DAB2IP: variants seen among roughly 807,000 people sequenced by gnomAD.
DAB2IP encodes the protein disabled homolog 2-interacting protein.
DAB2IP carries 28 observed loss-of-function variants against 107.2 expected under a neutral mutation model. The observed-to-expected ratio is 0.26, with a 90% CI of 0.19 to 0.36. The LOEUF (loss-of-function observed/expected upper bound fraction) is 0.36. Among genes scored for constraint, DAB2IP ranks in the 10% least tolerant of loss-of-function variants. The probability of loss-of-function intolerance (pLI) is 1.00; values close to 1 mark genes in which losing one functional copy is unlikely to be tolerated. For missense variants in DAB2IP, 1,400 were observed against 1,644.7 expected (o/e 0.85, Z 2.57); for synonymous variants, 755 against 706.4 (o/e 1.07, Z -1.09).
intron 1 of DAB2IP, among the ~76,000 whole-genome samples, chr9:121,629,052 G>A (rs1468927944): frequency 6.6e-6 from 1 of 152,204 alleles, no homozygotes; most frequent in Admixed American, 6.5e-5. Context: ...GGCTAGAGTT[G>A]GCCATGGTGT....
exon 12 of DAB2IP, chr9:121,773,441 C>G: frequency 6.5e-7 from 1 of 1,546,024 alleles, no homozygotes. Context: ...GGCAGCAGTC[C>G]TCTTCCTCCA....
chr9:121,758,071 G>A (rs1470969850), intron 4 of DAB2IP, among the ~76,000 whole-genome samples: 1 of 152,230 alleles, frequency 6.6e-6, no homozygotes, highest in Non-Finnish European at 1.5e-5. Flanking sequence ...TCCTTGCCAG[G>A]GATAGGGTGA....
intron 1 of DAB2IP, among the ~76,000 whole-genome samples, chr9:121,582,938 C>G (rs936825833): frequency 2.6e-5 from 4 of 152,226 alleles, no homozygotes; most frequent in African/African-American, 9.6e-5. Context: ...AAGGCTCTGC[C>G]CTGCGGGCAG....
rs555265867 is a variant in DAB2IP at position 121,746,004 on chromosome 9, G to A, written c.363-11009G>A. Among the ~76,000 whole-genome samples, 4 of 152,304 alleles carry A rather than the reference G, an allele frequency of 2.6e-5. No individual in the cohort carries two copies. In the South Asian group the frequency reaches 8.3e-4, roughly 32 times the overall value. ...TAAAACGGCCTGTACTCTGGAGCCT[G>A]CTCTTGAGGTAAGGGGGTAGAGCAG... On this transcript the variant is annotated intron_variant, in intron 3 of 15. Coordinates refer to ENST00000408936, the Ensembl canonical transcript of DAB2IP.
rs1026190349 is a variant in DAB2IP, at chr9:121,701,781, G to A, written c.362+2323G>A. ...GACCCCGCCCGCCCCCCAGCTCATGGCCAAACCTGGATGAGTGGAGCAGTG... is the reference window on the plus strand; with the variant it reads ...GACCCCGCCCGCCCCCCAGCTCATGACCAAACCTGGATGAGTGGAGCAGTG... On this transcript the variant is annotated intron_variant, in intron 3 of 15. Coordinates refer to ENST00000408936, the Ensembl canonical transcript of DAB2IP. This position sits in a 1 kb window ranked among gnomAD's most constrained non-coding sequence, Gnocchi z 4.7. Among the ~76,000 whole-genome samples the A allele has an allele frequency of 2.0e-5, 3 of 152,204 alleles. No homozygotes were observed. Among genetic ancestry groups the A allele is most frequent in the Admixed American group, 6.5e-5 (1 of 15,280 alleles).
chr9:121,690,624 T>C (rs1829115534), intron 2 of DAB2IP, among the ~76,000 whole-genome samples: 1 of 152,184 alleles, frequency 6.6e-6, no homozygotes, highest in Non-Finnish European at 1.5e-5. Flanking sequence ...CTGGTTTCTG[T>C]TCGCTGATGC....
intron 3 of DAB2IP, among the ~76,000 whole-genome samples, chr9:121,726,885 T>G (rs1361270881): frequency 6.6e-6 from 1 of 152,078 alleles, no homozygotes; most frequent in African/African-American, 2.4e-5. Flanking sequence ...CCCACCCTAC[T>G]CCCTCATACT....
chr9:121,701,179 G>A lies in DAB2IP; in HGVS notation c.362+1721G>A, dbSNP rs1373359198. ...GAGCAGGAGAGACAACAGGCAGTCCGGCTTCTGAGTGTGTCTGCTCTCCCG... is the reference window on the plus strand; with the variant it reads ...GAGCAGGAGAGACAACAGGCAGTCCAGCTTCTGAGTGTGTCTGCTCTCCCG... On this transcript the variant is annotated intron_variant, in intron 3 of 15. Coordinates refer to ENST00000408936, the Ensembl canonical transcript of DAB2IP. This position sits in a 1 kb window ranked among gnomAD's most constrained non-coding sequence, Gnocchi z 4.7. Among the ~76,000 whole-genome samples the A allele has an allele frequency of 2.0e-5, 3 of 152,214 alleles. No individual in the cohort carries two copies. The highest frequency in any genetic ancestry group is 7.2e-5 in the African/African-American group (3 of 41,464).
chr9:121,765,880 C>T (rs1285790978), intron 8 of DAB2IP, among the ~76,000 whole-genome samples: 1 of 152,268 alleles, frequency 6.6e-6, no homozygotes, highest in African/African-American at 2.4e-5. Flanking sequence ...CTCCCTTTCC[C>T]TCCCCATGTA....
chr9:121,759,018 C>T, intron 5 of DAB2IP, 22 bp downstream of exon 5: 1 of 1,596,516 alleles, frequency 6.3e-7, no homozygotes, highest in Non-Finnish European at 8.5e-7. Context: ...CCCCTCTCAC[C>T]AAAGCATGGG....
intron 1 of DAB2IP, among the ~76,000 whole-genome samples, chr9:121,660,370 C>T (rs966561336): frequency 1.3e-5 from 2 of 152,176 alleles, no homozygotes; most frequent in African/African-American, 4.8e-5. Flanking sequence ...TTAACCCTCA[C>T]TATACTTACC....
Position 121,757,276 on chromosome 9 carries a change from AG to A in DAB2IP, c.516+113del. On this transcript the variant is annotated intron_variant, in intron 4 of 15. Coordinates refer to ENST00000408936, the Ensembl canonical transcript of DAB2IP. Reference sequence around the variant, plus strand: ...GTCTGCTGTGGCCTCAGCAGGGGCCAGGGTCTTGGGGACAGTGGCTAGTAGT... The same window carrying A: ...GTCTGCTGTGGCCTCAGCAGGGGCCAGGTCTTGGGGACAGTGGCTAGTAGT... 2.1e-6 allele frequency: 3 copies of A among 1,430,172 alleles called. No individual in the cohort carries two copies. The South Asian group carries it at 4.3e-5, about 20-fold the overall frequency. The allele number at this position is 1,430,172 out of a possible 1,614,324, so 88.6% of individuals were successfully genotyped here.
chr9:121,638,566 A>G (rs12352132), intron 1 of DAB2IP, among the ~76,000 whole-genome samples: 35,442 of 152,126 alleles, frequency 0.23, 4,668 homozygotes, highest in South Asian at 0.38. Context: ...GGAAGAGTGA[A>G]TGCGAGTCAG....
intron 1 of DAB2IP, among the ~76,000 whole-genome samples, chr9:121,572,413 T>C (rs1045322583): frequency 6.6e-6 from 1 of 152,088 alleles, no homozygotes; most frequent in Non-Finnish European, 1.5e-5. Context: ...AATGAATGAA[T>C]GAATGAATGA....
intron 1 of DAB2IP, among the ~76,000 whole-genome samples, chr9:121,657,545 G>A (rs1311465820): frequency 2.6e-5 from 4 of 152,166 alleles, no homozygotes; most frequent in Non-Finnish European, 5.9e-5. Context: ...TTTACCAGGT[G>A]GGAAACGGAG....
At chr9:121,771,851 C>A (rs1397325491) in intron 11 of DAB2IP, among the ~76,000 whole-genome samples, 3 of 151,902 alleles carry the variant, frequency 2.0e-5, no homozygotes, top group Admixed American at 6.6e-5. Flanking sequence ...TCAAGCCCCC[C>A]AAGTCCTTGC....
At chr9:121,600,491 C>T (rs1830656275) in intron 1 of DAB2IP, among the ~76,000 whole-genome samples, 1 of 152,252 alleles carries the variant, frequency 6.6e-6, no homozygotes, top group African/African-American at 2.4e-5. Context: ...ATGGTCCACT[C>T]TTGAGCTATC....
intron 1 of DAB2IP, among the ~76,000 whole-genome samples, chr9:121,596,990 T>A (rs1288242164): frequency 6.6e-6 from 1 of 152,204 alleles, no homozygotes; most frequent in Non-Finnish European, 1.5e-5. Context: ...AGACTGACCA[T>A]CTTTGCATAT....
chr9:121,773,569 C>G, intron 12 of DAB2IP, 74 bp downstream of exon 12: 3 of 1,344,748 alleles, frequency 2.2e-6, no homozygotes, highest in Non-Finnish European at 2.9e-6. Flanking sequence ...ATACCATGCT[C>G]CTCCTCTCGG....
Sources: gnomAD v4.1 joint callset for allele counts (sites outside exome capture counted in the v4.1 genomes callset) on GRCh38, gnomAD v4.1.1 for gene constraint, Gnocchi (gnomAD v3.1) non-coding constraint, MANE v1.5 for transcripts, NCBI Gene and HGNC (gene_info 2026-07-23, HGNC 2026-07-21) for gene names.